The following RABGEF1 variants were observed in gnomAD, a reference collection of about 807,000 sequenced individuals.
RABGEF1 encodes the protein rab5 GDP/GTP exchange factor.
A neutral mutation model predicts 57.3 loss-of-function variants in RABGEF1; 26 were observed. That is an observed-to-expected ratio of 0.45 (90% CI 0.33 to 0.63). RABGEF1 has a LOEUF of 0.63. Ranked by LOEUF, RABGEF1 falls within the 20% of genes least tolerant of loss-of-function variation. RABGEF1 has a pLI of 0.02. For synonymous variants in RABGEF1, 185 were observed against 210.7 expected (o/e 0.88, Z 1.06); for missense variants, 464 against 607.6 (o/e 0.76, Z 2.48).
At chr7:66,780,817 C>T (rs1047912135) in intron 3 of RABGEF1, among the ~76,000 whole-genome samples, 1 of 152,082 alleles carries the variant, frequency 6.6e-6, no homozygotes. Flanking sequence ...GTAATATGGT[C>T]CATGTTCTTA....
At chr7:66,784,748 C>T (rs557632431) in intron 4 of RABGEF1, among the ~76,000 whole-genome samples, 33 of 152,208 alleles carry the variant, frequency 2.2e-4, no homozygotes, top group African/African-American at 2.4e-4. Context: ...CTTGCTTTCT[C>T]GCCCTTCAGA....
At chr7:66,659,710 T>C in the RABGEF1 span, among the ~76,000 whole-genome samples, 1 of 151,208 alleles carries the variant, frequency 6.6e-6, no homozygotes, top group East Asian at 2.0e-4. Flanking sequence ...AACCAGGAAG[T>C]TGAGGCTGCA....
chr7:66,697,057 T>C (rs1343291044), intron 1 of RABGEF1, among the ~76,000 whole-genome samples: 1 of 152,160 alleles, frequency 6.6e-6, no homozygotes, highest in Admixed American at 6.5e-5. Flanking sequence ...GGGACCCTAC[T>C]GCTGGGCACA....
At chr7:66,772,118 A>G (rs767499442) in intron 2 of RABGEF1, 40 bp downstream of exon 2, 12 of 1,377,184 alleles carry the variant, frequency 8.7e-6, no homozygotes, top group Non-Finnish European at 2.9e-6. Flanking sequence ...CAGTGACGTG[A>G]CTGGATACAT....
At chr7:66,710,986 A>C (rs768470910) in intron 1 of RABGEF1, among the ~76,000 whole-genome samples, 4 of 151,908 alleles carry the variant, frequency 2.6e-5, no homozygotes, top group Admixed American at 6.6e-5. Flanking sequence ...CTACAAAAAA[A>C]AAATAATAAA....
the RABGEF1 span, among the ~76,000 whole-genome samples, chr7:66,663,574 C>G: frequency 8.1e-6 from 1 of 123,678 alleles, no homozygotes; most frequent in Non-Finnish European, 1.6e-5. Flanking sequence ...AAAACTCCTT[C>G]TCACAAAAAA....
chr7:66,771,976 A>G lies in RABGEF1; in HGVS notation c.77A>G (p.Tyr26Cys), dbSNP rs1390458453. The G allele has an allele frequency of 6.3e-7, 1 of 1,597,974 alleles. No individual in the cohort carries two copies. Among genetic ancestry groups the G allele is most frequent in the Non-Finnish European group, 8.5e-7 (1 of 1,172,698 alleles). Reference protein sequence around the residue: ...DLLCKKGCGYYGNPAWQGFCS... With the variant: ...DLLCKKGCGYCGNPAWQGFCS... ...CTGTGCAAGAAAGGATGTGGTTACT[A>G]CGGCAACCCTGCCTGGCAGGGTTTC... is the stretch of plus-strand genomic sequence containing the variant. The change falls in exon 2 of 9, where the codon TAC (tyrosine) becomes TGC (cysteine). Residue 26 changes from tyrosine (Y) to cysteine (C), a missense_variant. Physicochemically the swap from Tyr to Cys is radical, Grantham distance 194. Coordinates refer to ENST00000284957, the MANE Select transcript of RABGEF1 (RefSeq NM_014504.3).
chr7:66,656,533 T>C, the RABGEF1 span, among the ~76,000 whole-genome samples: 4 of 151,948 alleles, frequency 2.6e-5, no homozygotes, highest in Admixed American at 1.3e-4. Flanking sequence ...TTAAAATGGG[T>C]CTCTCTGGCT....
At chr7:66,716,336 A>T (rs1795390336) in intron 2 of RABGEF1, among the ~76,000 whole-genome samples, 1 of 152,230 alleles carries the variant, frequency 6.6e-6, no homozygotes, top group Admixed American at 6.5e-5. Flanking sequence ...GCAGCGGCTC[A>T]TGCGTGTAAT....
the RABGEF1 span, chr7:66,666,432 T>C: frequency 6.0e-4 from 92 of 152,332 alleles, no homozygotes; most frequent in African/African-American, 2.1e-3. Flanking sequence ...CTGGTGCAGT[T>C]TGGGGACTGT....
chr7:66,724,621 G>A (rs999520967), intron 2 of RABGEF1, among the ~76,000 whole-genome samples: 3 of 152,212 alleles, frequency 2.0e-5, no homozygotes, highest in African/African-American at 7.2e-5. Context: ...GCCTCCCAAA[G>A]TGCTGGGATT....
rs369774402 is a variant in RABGEF1 at position 66,805,140 on chromosome 7, A to C, written c.821A>C (p.Asp274Ala). 1 of 1,597,442 alleles carries C rather than the reference A, an allele frequency of 6.3e-7. No homozygotes were observed. The highest frequency in any genetic ancestry group is 1.3e-5 in the African/African-American group (1 of 74,448). The change falls in exon 8 of 9, where the codon GAT becomes GCT. Residue 274 changes from aspartate to alanine, a missense_variant and splice_region_variant. This residue lies in a region of RABGEF1 where 284 missense variants were observed against 389.9 expected (regional missense o/e 0.73). Coordinates refer to ENST00000284957, the MANE Select transcript of RABGEF1 (RefSeq NM_014504.3). ...VSDMVVKAIT[D>A]IIEMDSKRVP... The stretch of plus-strand genomic sequence containing the variant: ...AAATATTGTCTTTTCTGCTTTGTAG[A>C]TATCATTGAAATGGATTCCAAGCGT...
rs185724438 is a variant in RABGEF1 at position 66,801,903 on chromosome 7, G to T, written c.820+2489G>T. Among the ~76,000 whole-genome samples the T allele has an allele frequency of 2.0e-3, 310 of 151,864 alleles. 1 individual carries two copies. The highest frequency in any genetic ancestry group is 3.4e-3 in the Middle Eastern group (1 of 294). On this transcript the variant is annotated intron_variant, in intron 7 of 8. Transcript: ENST00000284957. The stretch of plus-strand genomic sequence containing the variant: ...CAACATCTGGAGACTTATTTATTTA[G>T]TTAGTTAGTTAGTTAGTTATTTTTG...
the RABGEF1 span, among the ~76,000 whole-genome samples, chr7:66,656,508 T>A: frequency 6.6e-6 from 1 of 152,132 alleles, no homozygotes; most frequent in Non-Finnish European, 1.5e-5. Context: ...GGTTTTTAGC[T>A]GGGTCCCTGT....
chr7:66,763,391 A>AG (rs1745748252), intron 1 of RABGEF1, among the ~76,000 whole-genome samples: 2 of 152,212 alleles, frequency 1.3e-5, no homozygotes, highest in South Asian at 2.1e-4. Context: ...GTCAGCCAGA[A>AG]GTCATTCTCA....
upstream of RABGEF1, among the ~76,000 whole-genome samples, chr7:66,737,065 AGAGAGAGT>A (rs1235654001): frequency 8.0e-6 from 1 of 125,464 alleles, no homozygotes. Context: ...AGAGAGAGAG[AGAGAGAGT>A]GAGAGAGAGA....
Position 66,714,366 on chromosome 7 carries a change from T to A in RABGEF1, c.-815+2142T>A, listed in dbSNP as rs548772494. On this transcript the variant is annotated intron_variant and NMD_transcript_variant, in intron 2 of 9. Coordinates refer to the RABGEF1 transcript ENST00000607882. ...TTATGATATAGACTTGTTCATAATA[T>A]CCCCTTATTATCCTTCTAACATTTG... Among the ~76,000 whole-genome samples the A allele has an allele frequency of 7.9e-5, 12 of 152,342 alleles. No individual in the cohort carries two copies. In the South Asian group the frequency reaches 2.5e-3, roughly 32 times the overall value.
chr7:66,663,057 G>GA, the RABGEF1 span, among the ~76,000 whole-genome samples: 1 of 152,254 alleles, frequency 6.6e-6, no homozygotes, highest in African/African-American at 2.4e-5. Flanking sequence ...GCCCAGGGCG[G>GA]AAAACCGCTT....
intron 1 of RABGEF1, among the ~76,000 whole-genome samples, chr7:66,705,477 GA>G (rs1793915685): frequency 2.7e-5 from 4 of 146,372 alleles, no homozygotes; most frequent in African/African-American, 1.0e-4. Flanking sequence ...GAGAGAGAGA[GA>G]GAGAGAGAGG....
Sources: gnomAD v4.1 joint callset for allele counts (sites outside exome capture counted in the v4.1 genomes callset) on GRCh38, gnomAD v4.1.1 for gene constraint, gnomAD v4.1.1 regional missense constraint, MANE v1.5 for transcripts, NCBI Gene and HGNC (gene_info 2026-07-23, HGNC 2026-07-21) for gene names.